Variants in SDC2 observed in about 807,000 individuals in gnomAD.
The protein encoded by SDC2 is syndecan 2, also known as syndecan-2.
Under a neutral mutation model 22.2 loss-of-function variants are expected in SDC2, and 13 were observed. The observed-to-expected ratio is 0.59, with a 90% CI of 0.38 to 0.93. The LOEUF (loss-of-function observed/expected upper bound fraction) is 0.93. SDC2 is among the 40% of genes least tolerant of loss of function. The probability of loss-of-function intolerance (pLI) is 0.00; values close to 1 mark genes in which losing one functional copy is unlikely to be tolerated. For missense variants in SDC2, 235 were observed against 246.8 expected, an observed-to-expected ratio of 0.95 and a Z score of 0.32; for synonymous variants, 94 against 92.8, an observed-to-expected ratio of 1.01 and a Z score of -0.07.
At chr8:96,545,445 G>A (rs999382778) in intron 1 of SDC2, among the ~76,000 whole-genome samples, 2 of 152,190 alleles carry the variant, frequency 1.3e-5, no homozygotes, top group African/African-American at 4.8e-5. Context: ...TGACAGGTCA[G>A]TATTGGGGAA....
At chr8:96,510,371 G>A (rs1813309976) in intron 1 of SDC2, among the ~76,000 whole-genome samples, 1 of 152,172 alleles carries the variant, frequency 6.6e-6, no homozygotes, top group Non-Finnish European at 1.5e-5. Flanking sequence ...GCTTTAGGCT[G>A]TCTTGTGAGC....
At chr8:96,520,350 A>C (rs1255468414) in intron 1 of SDC2, among the ~76,000 whole-genome samples, 4 of 152,240 alleles carry the variant, frequency 2.6e-5, no homozygotes, top group South Asian at 4.1e-4. Flanking sequence ...AATTAGCGTG[A>C]GATCTATACA....
rs577732607 is a variant in SDC2 at position 96,611,573 on chromosome 8, G to A, written c.*2025G>A. 2 of 152,694 alleles carry A rather than the reference G, an allele frequency of 1.3e-5. No individual in the cohort carries two copies. The highest frequency in any genetic ancestry group is 4.1e-4 in the South Asian group (2 of 4,828). The allele number at this position is 152,694 out of a possible 1,614,324, so 9.5% of individuals were successfully genotyped here. On this transcript the variant is annotated 3_prime_UTR_variant, in exon 5 of 5. Coordinates refer to ENST00000302190, the MANE Select transcript of SDC2 (RefSeq NM_002998.4). ...CGATAGCCTAGCTTTCTAAAGCCACGCTGTGTCCCTCAATTACAGAGGGTA... is the reference window on the plus strand; with the variant it reads ...CGATAGCCTAGCTTTCTAAAGCCACACTGTGTCCCTCAATTACAGAGGGTA...
intron 2 of SDC2, among the ~76,000 whole-genome samples, chr8:96,595,207 T>C (rs1484421813): frequency 5.3e-5 from 8 of 152,224 alleles, no homozygotes; most frequent in African/African-American, 1.9e-4. Flanking sequence ...TCGGTATAAC[T>C]TTTGTGATCA....
At chr8:96,533,762 T>G (rs1239233848) in intron 1 of SDC2, among the ~76,000 whole-genome samples, 2 of 152,122 alleles carry the variant, frequency 1.3e-5, no homozygotes, top group African/African-American at 4.8e-5. Context: ...CCCACTAGAC[T>G]CAGGAGCCCA....
chr8:96,603,848 G>A (rs142659391), intron 3 of SDC2, among the ~76,000 whole-genome samples: 5 of 152,334 alleles, frequency 3.3e-5, no homozygotes, highest in East Asian at 3.9e-4. Context: ...GCGGTAGGAA[G>A]GCAGGGAGAG....
intron 1 of SDC2, among the ~76,000 whole-genome samples, chr8:96,517,756 C>CAT (rs5893388): frequency 0.74 from 111,381 of 151,176 alleles, 41,858 homozygotes; most frequent in African/African-American, 0.88. Flanking sequence ...TAAATACACA[C>CAT]GTTTGTGTGT....
chr8:96,601,640 CAAAAAA>C (rs749025894), intron 2 of SDC2, among the ~76,000 whole-genome samples: 1 of 66,694 alleles, frequency 1.5e-5, no homozygotes, highest in Non-Finnish European at 2.9e-5. Flanking sequence ...ACTCCATCTC[CAAAAAA>C]AAAAAAAAAA....
chr8:96,537,201 A>C (rs1454255434), intron 1 of SDC2: 3 of 152,212 alleles, frequency 2.0e-5, no homozygotes, highest in Non-Finnish European at 4.4e-5. Flanking sequence ...GTACTGTGAC[A>C]ATAAGGTTTT....
rs1814029372 is a variant in SDC2 at position 96,551,644 on chromosome 8, AG to A, written c.61-41833del. ...TCATCACCAAATGCAAGCTAGTTTCAGGGTGGTTAATTTTGGAGCTGATGAG... is the reference window on the plus strand; with the variant it reads ...TCATCACCAAATGCAAGCTAGTTTCAGGTGGTTAATTTTGGAGCTGATGAG... On this transcript the variant is annotated intron_variant, in intron 1 of 4. Coordinates refer to ENST00000302190, the MANE Select transcript of SDC2 (RefSeq NM_002998.4). 2.6e-5 allele frequency among the ~76,000 whole-genome samples: 4 copies of A among 152,252 alleles called. No homozygotes were observed. In the East Asian group the frequency reaches 7.7e-4, roughly 29 times the overall value.
chr8:96,532,811 G>A (rs1271710233), intron 1 of SDC2, among the ~76,000 whole-genome samples: 3 of 152,156 alleles, frequency 2.0e-5, no homozygotes, highest in Non-Finnish European at 4.4e-5. Context: ...TCATCTTCTA[G>A]AGGTGCTGTA....
intron 1 of SDC2, among the ~76,000 whole-genome samples, chr8:96,560,501 G>A (rs1173729591): frequency 6.6e-6 from 1 of 152,068 alleles, no homozygotes; most frequent in Non-Finnish European, 1.5e-5. Context: ...AAAATAGTTG[G>A]TGGAACATAA....
chr8:96,526,941 A>G (rs1269063741), intron 1 of SDC2, among the ~76,000 whole-genome samples: 1 of 152,150 alleles, frequency 6.6e-6, no homozygotes, highest in Non-Finnish European at 1.5e-5. Context: ...GGGAGGTGGT[A>G]GCTCTGTACA....
At chr8:96,512,760 CAG>C (rs1455901936) in intron 1 of SDC2, among the ~76,000 whole-genome samples, 4 of 152,128 alleles carry the variant, frequency 2.6e-5, no homozygotes, top group South Asian at 2.1e-4. Context: ...GAGACTGTAA[CAG>C]TGTACTTTTG....
intron 1 of SDC2, chr8:96,585,159 T>A (rs1347348492): frequency 6.6e-6 from 1 of 152,230 alleles, no homozygotes; most frequent in African/African-American, 2.4e-5. Context: ...AAGTGTATTT[T>A]TAAAAAACGT....
chr8:96,604,073 T>C (rs1450441854), intron 3 of SDC2, among the ~76,000 whole-genome samples: 1 of 152,180 alleles, frequency 6.6e-6, no homozygotes, highest in African/African-American at 2.4e-5. Flanking sequence ...CACATTTTTA[T>C]TTGACCACTT....
At chr8:96,579,918 G>C (rs939208432) in intron 1 of SDC2, among the ~76,000 whole-genome samples, 2 of 152,070 alleles carry the variant, frequency 1.3e-5, no homozygotes, top group Non-Finnish European at 2.9e-5. Context: ...TCTTAGCATG[G>C]GATTGTTTTC....
chr8:96,581,449 G>A (rs1053182377), intron 1 of SDC2, among the ~76,000 whole-genome samples: 5 of 152,106 alleles, frequency 3.3e-5, no homozygotes, highest in Admixed American at 3.3e-4. Flanking sequence ...GGCCAACATG[G>A]TGAAACCCCG....
chr8:96,569,768 T>TTGGG (rs1441912804), intron 1 of SDC2, among the ~76,000 whole-genome samples: 1 of 152,138 alleles, frequency 6.6e-6, no homozygotes, highest in Non-Finnish European at 1.5e-5. Context: ...GCATGGGAAG[T>TTGGG]TGGGTGTCTT....
Sources: allele counts gnomAD v4.1 joint callset (sites outside exome capture counted in the v4.1 genomes callset), GRCh38; gene constraint gnomAD v4.1.1; transcripts MANE v1.5; gene names NCBI Gene and HGNC (gene_info 2026-07-23, HGNC 2026-07-21).